ZFHX3: variants seen among roughly 807,000 people sequenced by gnomAD.
ZFHX3 encodes the protein zinc finger homeobox 3, also known as zinc finger homeobox protein 3.
A neutral mutation model predicts 279.1 loss-of-function variants in ZFHX3; 42 were observed. The observed-to-expected ratio is 0.15, with a 90% confidence interval of 0.12 to 0.19. The LOEUF is 0.19. Among genes scored for constraint, ZFHX3 ranks in the 10% least tolerant of loss-of-function variants. The pLI, the probability that ZFHX3 is intolerant of heterozygous loss-of-function variation, is 1.00. For missense variants in ZFHX3, 4,981 were observed against 4,754.0 expected (o/e 1.05, Z -1.40); for synonymous variants, 2,293 against 1,957.8 (o/e 1.17, Z -4.52).
At chr16:72,792,423 A>ATT (rs1039200241) in intron 9 of ZFHX3, among the ~76,000 whole-genome samples, 2 of 152,066 alleles carry the variant, frequency 1.3e-5, no homozygotes, top group African/African-American at 4.8e-5. Flanking sequence ...GAACCCCAAC[A>ATT]TTAAGGATCT....
intron 4 of ZFHX3, among the ~76,000 whole-genome samples, chr16:72,849,811 C>T (rs1351785888): frequency 7.6e-6 from 1 of 131,220 alleles, no homozygotes; most frequent in African/African-American, 2.9e-5. Flanking sequence ...AGAGCTCCAG[C>T]TCTCAGCTGA....
At chr16:72,960,843 A>C (rs1050916155) in intron 1 of ZFHX3, among the ~76,000 whole-genome samples, 13 of 152,196 alleles carry the variant, frequency 8.5e-5, no homozygotes, top group African/African-American at 3.1e-4. Flanking sequence ...ACACACTCCG[A>C]AAAGTCCTCT....
At chr16:73,391,021 C>T (rs764303931) in intron 3 of ZFHX3, among the ~76,000 whole-genome samples, 65 of 151,586 alleles carry the variant, frequency 4.3e-4, no homozygotes, top group Middle Eastern at 3.4e-3. Context: ...AAATAAGAAA[C>T]TGCCATGAGG....
intron 5 of ZFHX3, among the ~76,000 whole-genome samples, chr16:72,814,215 G>A (rs2036541205): frequency 6.6e-6 from 1 of 152,100 alleles, no homozygotes; most frequent in South Asian, 2.1e-4. Context: ...CTTTCCAGTA[G>A]AGGCAAACTA....
intron 1 of ZFHX3, among the ~76,000 whole-genome samples, chr16:73,006,707 T>C (rs911366004): frequency 4.0e-5 from 6 of 150,414 alleles, no homozygotes; most frequent in Non-Finnish European, 4.4e-5. Context: ...GGAAGGAAGG[T>C]GATCAAATGT....
Position 73,524,965 on chromosome 16 carries a change from A to G in ZFHX3, c.-1546-68707T>C, listed in dbSNP as rs529020604. The stretch of plus-strand genomic sequence containing the variant: ...TTCCTTCAGCTAAACACTCTACACA[A>G]CATGGTCACGTAAGAAGGACTGTCT... On this transcript the variant is annotated intron_variant, in intron 2 of 17. Transcript: ENST00000641206. Among the ~76,000 whole-genome samples the G allele has an allele frequency of 2.0e-5, 3 of 152,306 alleles. No individual in the cohort carries two copies. In the South Asian group the frequency reaches 6.2e-4, roughly 32 times the overall value.
chr16:73,093,179 C>A (rs373960908), intron 8 of ZFHX3: 10 of 519,886 alleles, frequency 1.9e-5, no homozygotes, highest in African/African-American at 3.9e-5. Flanking sequence ...CAGAGGTTTT[C>A]GGGAAACTCT....
At chr16:73,196,150 G>GTTTT (rs11357649) in intron 5 of ZFHX3, among the ~76,000 whole-genome samples, 3 of 104,928 alleles carry the variant, frequency 2.9e-5, no homozygotes, top group African/African-American at 3.7e-5. Flanking sequence ...TCTTGAAATA[G>GTTTT]TTTTTTTTTT....
At chr16:73,299,317 T>A (rs2014999345) in intron 4 of ZFHX3, among the ~76,000 whole-genome samples, 1 of 152,162 alleles carries the variant, frequency 6.6e-6, no homozygotes, top group African/African-American at 2.4e-5. Flanking sequence ...TTGGAGTTCA[T>A]AAGAGGGTGA....
intron 1 of ZFHX3, among the ~76,000 whole-genome samples, chr16:73,839,321 C>T: frequency 2.1e-5 from 1 of 46,626 alleles, no homozygotes; most frequent in Non-Finnish European, 3.6e-5. Flanking sequence ...AGCAAGACTC[C>T]ATCTCAAAAA....
At chr16:73,007,973 T>C (rs1239139845) in intron 1 of ZFHX3, among the ~76,000 whole-genome samples, 1 of 152,208 alleles carries the variant, frequency 6.6e-6, no homozygotes, top group African/African-American at 2.4e-5. Flanking sequence ...GGGTTTTCTC[T>C]TTTCTCTTTT....
chr16:72,975,492 A>G (rs1320636270), intron 1 of ZFHX3, among the ~76,000 whole-genome samples: 2 of 152,154 alleles, frequency 1.3e-5, no homozygotes, highest in African/African-American at 4.8e-5. Context: ...CAGGGGGAAG[A>G]GAGGGGATCA....
At chr16:72,820,874 C>T (rs1375110333) in intron 5 of ZFHX3, among the ~76,000 whole-genome samples, 2 of 152,008 alleles carry the variant, frequency 1.3e-5, no homozygotes, top group Admixed American at 6.6e-5. Flanking sequence ...CAGTCGCATG[C>T]GAGTCATTCT....
chr16:73,480,118 C>A (rs2018838580), intron 2 of ZFHX3, among the ~76,000 whole-genome samples: 1 of 151,956 alleles, frequency 6.6e-6, no homozygotes, highest in Non-Finnish European at 1.5e-5. Context: ...CCAAAAAGTC[C>A]CTTCTCCAGA....
chr16:73,091,813 A>G (rs545503833), intron 8 of ZFHX3, among the ~76,000 whole-genome samples: 16 of 152,328 alleles, frequency 1.1e-4, no homozygotes, highest in African/African-American at 3.6e-4. Context: ...AACCCTGAGA[A>G]TATCTATAAG....
At chr16:73,888,389 G>A (rs984991971) in intron 1 of ZFHX3, among the ~76,000 whole-genome samples, 3 of 151,912 alleles carry the variant, frequency 2.0e-5, no homozygotes, top group Non-Finnish European at 4.4e-5. Flanking sequence ...TTGCTCTCTC[G>A]AAGCCCAAGA....
At chr16:73,264,545 A>G (rs1021260827) in intron 4 of ZFHX3, among the ~76,000 whole-genome samples, 5 of 152,166 alleles carry the variant, frequency 3.3e-5, no homozygotes, top group African/African-American at 1.2e-4. Context: ...TGAAGAGACC[A>G]AAGACACATG....
intron 5 of ZFHX3, among the ~76,000 whole-genome samples, chr16:73,254,496 G>A (rs1713369487): frequency 6.6e-6 from 1 of 151,946 alleles, no homozygotes. Context: ...ATGTGAGGCT[G>A]ATGGGAAAGA....
At chr16:73,101,817 T>G (rs1342908017) in intron 7 of ZFHX3, among the ~76,000 whole-genome samples, 1 of 152,016 alleles carries the variant, frequency 6.6e-6, no homozygotes, top group Non-Finnish European at 1.5e-5. Context: ...AACCTCAACC[T>G]TCCAGTCCTC....
Sources: allele counts gnomAD v4.1 joint callset (sites outside exome capture counted in the v4.1 genomes callset), GRCh38; gene constraint gnomAD v4.1.1; transcripts MANE v1.5; gene names NCBI Gene and HGNC (gene_info 2026-07-23, HGNC 2026-07-21).